Variants in R3HDM2 observed in about 807,000 individuals in gnomAD.
R3HDM2 encodes the protein R3H domain-containing protein 2.
R3HDM2 carries 38 observed loss-of-function variants against 124.5 expected under a neutral mutation model. The observed-to-expected ratio is 0.31, with a 90% CI of 0.24 to 0.40. The LOEUF is 0.40. Among genes scored for constraint, R3HDM2 ranks in the 10% least tolerant of loss-of-function variants. The pLI, the probability that R3HDM2 is intolerant of heterozygous loss-of-function variation, is 1.00. For synonymous variants in R3HDM2, 391 were observed against 448.0 expected (o/e 0.87, Z 1.61); for missense variants, 869 against 1,236.9 (o/e 0.70, Z 4.46).
chr12:57,312,732 G>A (rs1305353734), intron 2 of R3HDM2, among the ~76,000 whole-genome samples: 3 of 151,868 alleles, frequency 2.0e-5, no homozygotes, highest in South Asian at 2.1e-4. Flanking sequence ...TTAGCCTGAC[G>A]TGGTGGTAAG....
At chr12:57,407,185 G>A (rs1337514848) in intron 1 of R3HDM2, among the ~76,000 whole-genome samples, 1 of 151,376 alleles carries the variant, frequency 6.6e-6, no homozygotes, top group African/African-American at 2.4e-5. Context: ...GGGAGGTGGA[G>A]GTTGCAGTGA....
chr12:57,259,082 T>G (rs1395870485), intron 19 of R3HDM2, 23 bp from the exon 20 acceptor site: 1 of 1,601,882 alleles, frequency 6.2e-7, no homozygotes, highest in Admixed American at 1.7e-5. Context: ...AAGAAAGCAG[T>G]TGGTTACAAA....
intron 2 of R3HDM2, among the ~76,000 whole-genome samples, chr12:57,319,643 T>G (rs189595929): frequency 1.7e-4 from 26 of 152,302 alleles, no homozygotes; most frequent in Admixed American, 1.6e-3. Context: ...TCCCAGCTTC[T>G]TTAAGTCAAG....
chr12:57,348,838 C>A (rs528213950), intron 2 of R3HDM2, among the ~76,000 whole-genome samples: 15 of 151,746 alleles, frequency 9.9e-5, no homozygotes, highest in Non-Finnish European at 2.2e-4. Context: ...TGCAGTGAGC[C>A]GTGATCGCAC....
chr12:57,313,795 C>G (rs977889460), intron 2 of R3HDM2, among the ~76,000 whole-genome samples: 1 of 145,056 alleles, frequency 6.9e-6, no homozygotes, highest in Non-Finnish European at 1.5e-5. Flanking sequence ...GTGGGAGGAT[C>G]ACTTGAGCCC....
At position 57,301,364 on chromosome 12, in the gene R3HDM2, T is replaced by TA. The variant is rs1309415341; in HGVS notation, c.208-1184dup. Among the ~76,000 whole-genome samples, 16 of 152,266 alleles carry TA rather than the reference T, an allele frequency of 1.1e-4. No individual in the cohort carries two copies. The South Asian group carries it at 2.5e-3, about 24-fold the overall frequency. On this transcript the variant is annotated intron_variant, in intron 4 of 23. Coordinates refer to ENST00000402412, the MANE Select transcript of R3HDM2 (RefSeq NM_001394031.1). ...GACTCAATACAATAAAACCAAGGATTACAGTAAATACCAAAGTACAAAACA... is the reference window on the plus strand; with the variant it reads ...GACTCAATACAATAAAACCAAGGATTAACAGTAAATACCAAAGTACAAAACA...
intron 21 of R3HDM2, among the ~76,000 whole-genome samples, chr12:57,256,820 CTCTT>C (rs1337425770): frequency 6.7e-6 from 1 of 148,914 alleles, no homozygotes; most frequent in Non-Finnish European, 1.5e-5. Context: ...TCTTTTATCT[CTCTT>C]TTTTTTTTTT....
At chr12:57,320,463 C>T (rs2056248981) in intron 2 of R3HDM2, among the ~76,000 whole-genome samples, 1 of 151,600 alleles carries the variant, frequency 6.6e-6, no homozygotes, top group African/African-American at 2.4e-5. Flanking sequence ...CATTAGGCTC[C>T]CAGGAGGGCC....
At chr12:57,342,279 C>T (rs1370321208) in intron 2 of R3HDM2, among the ~76,000 whole-genome samples, 2 of 152,256 alleles carry the variant, frequency 1.3e-5, no homozygotes, top group South Asian at 2.1e-4. Context: ...TTCTGGGAAA[C>T]CTGTGCCTCT....
chr12:57,301,455 A>G (rs1483509772), intron 4 of R3HDM2, among the ~76,000 whole-genome samples: 2 of 152,216 alleles, frequency 1.3e-5, no homozygotes, highest in Admixed American at 1.3e-4. Flanking sequence ...AATTAACATC[A>G]TGCCTAATTC....
In R3HDM2 at chr12:57,280,424, C is replaced by G; in HGVS notation, c.1278G>C (p.Gln426His). ...GCGTGGGTGGGAGAGCAGGAAGTTG[C>G]TGCTGCTGCTGCTGCTGTTGCTGCT... ...TAQQQQQQQQ[Q>H]QLPALPPTPQ... is the part of the protein sequence containing the mutation. Residue 426 changes from glutamine to histidine, a missense_variant, in exon 14 of 24, where the codon CAG (glutamine) becomes CAC (histidine). Gln to His is a conservative substitution (Grantham distance 24). Coordinates refer to ENST00000402412, the MANE Select transcript of R3HDM2 (RefSeq NM_001394031.1). 6.5e-7 allele frequency: 1 copy of G among 1,543,148 alleles called. No individual in the cohort carries two copies. The highest frequency in any genetic ancestry group is 8.8e-7 in the Non-Finnish European group (1 of 1,135,782).
At chr12:57,371,436 C>T (rs1241456085) in intron 2 of R3HDM2, among the ~76,000 whole-genome samples, 1 of 152,080 alleles carries the variant, frequency 6.6e-6, no homozygotes, top group Non-Finnish European at 1.5e-5. Context: ...AAGATAACTG[C>T]CTTGTGCTTA....
At chr12:57,363,925 G>A (rs920983386) in intron 2 of R3HDM2, among the ~76,000 whole-genome samples, 31 of 151,184 alleles carry the variant, frequency 2.1e-4, no homozygotes, top group African/African-American at 7.3e-4. Flanking sequence ...CCAGCCCTAA[G>A]CCACTAATGT....
chr12:57,403,544 CACACCTGTT>C (rs2068241282), intron 1 of R3HDM2, among the ~76,000 whole-genome samples: 1 of 151,900 alleles, frequency 6.6e-6, no homozygotes, highest in Admixed American at 6.6e-5. Flanking sequence ...CATGGTGGCT[CACACCTGTT>C]ACTCCAGCAC....
intron 3 of R3HDM2, among the ~76,000 whole-genome samples, chr12:57,307,155 T>C (rs2052795692): frequency 6.6e-6 from 1 of 152,234 alleles, no homozygotes; most frequent in African/African-American, 2.4e-5. Flanking sequence ...CCCAAGGACA[T>C]ATCTCACACA....
At chr12:57,380,216 A>G (rs1303054444) in intron 2 of R3HDM2, among the ~76,000 whole-genome samples, 1 of 152,214 alleles carries the variant, frequency 6.6e-6, no homozygotes, top group Non-Finnish European at 1.5e-5. Context: ...TATGAACTAT[A>G]TCCTATACAC....
At chr12:57,387,435 G>A (rs492749) in intron 2 of R3HDM2, among the ~76,000 whole-genome samples, 65,920 of 151,942 alleles carry the variant, frequency 0.43, 15,051 homozygotes, top group South Asian at 0.52. Context: ...TCACCGCAAG[G>A]GTCCGTGGCT....
chr12:57,356,081 G>A (rs1037506010), intron 2 of R3HDM2, among the ~76,000 whole-genome samples: 2 of 151,762 alleles, frequency 1.3e-5, no homozygotes, highest in Admixed American at 6.6e-5. Flanking sequence ...TTAGTACACT[G>A]ACCAGAACCA....
chr12:57,352,501 T>C (rs1246592972), intron 2 of R3HDM2, among the ~76,000 whole-genome samples: 1 of 151,172 alleles, frequency 6.6e-6, no homozygotes, highest in African/African-American at 2.4e-5. Flanking sequence ...GCTTTTTTTT[T>C]TTTTTTTTTT....
Sources: allele counts gnomAD v4.1 joint callset (sites outside exome capture counted in the v4.1 genomes callset), GRCh38; gene constraint gnomAD v4.1.1; transcripts MANE v1.5; gene names NCBI Gene and HGNC (gene_info 2026-07-23, HGNC 2026-07-21).